The following HSPA4L variants were observed in gnomAD, a reference collection of about 807,000 sequenced individuals.
HSPA4L encodes heat shock protein family A (Hsp70) member 4 like, also known as heat shock 70 kDa protein 4L.
A neutral mutation model predicts 100.3 loss-of-function variants in HSPA4L; 48 were observed. That is an observed-to-expected ratio of 0.48 (90% CI 0.38 to 0.61). The LOEUF (loss-of-function observed/expected upper bound fraction) is 0.61. Ranked by LOEUF, HSPA4L falls within the 20% of genes least tolerant of loss-of-function variation. HSPA4L has a pLI of 0.00. For missense variants in HSPA4L, 886 were observed against 988.6 expected (o/e 0.90, Z 1.39); for synonymous variants, 319 against 328.2 (o/e 0.97, Z 0.30).
chr4:127,818,939 C>T (rs924466696), intron 13 of HSPA4L, among the ~76,000 whole-genome samples: 1 of 151,236 alleles, frequency 6.6e-6, no homozygotes, highest in Non-Finnish European at 1.5e-5. Flanking sequence ...TGCCTGAATT[C>T]TTTACCTTAT....
At position 127,820,790 on chromosome 4, in the gene HSPA4L, TAGAG is replaced by T. The variant is rs1181450074; in HGVS notation, c.1812+227_1812+230del. The stretch of plus-strand genomic sequence containing the variant: ...TGAAAAACATGTATTGCCTCCTCTA[TAGAG>T]AAAGACTTTTCTGAAATTGATTCTT... On this transcript the variant is annotated intron_variant, in intron 14 of 18. Coordinates refer to ENST00000296464, the MANE Select transcript of HSPA4L (RefSeq NM_014278.4). 4.6e-5 allele frequency among the ~76,000 whole-genome samples: 7 copies of T among 152,272 alleles called. No homozygotes were observed. In the East Asian group the frequency reaches 9.6e-4, roughly 21 times the overall value.
intron 2 of HSPA4L, among the ~76,000 whole-genome samples, chr4:127,794,348 TA>T (rs1268482703): frequency 2.0e-5 from 3 of 152,096 alleles, no homozygotes; most frequent in African/African-American, 7.2e-5. Context: ...AAATATTTTT[TA>T]GTTGTGAAGT....
At chr4:127,802,842 G>A (rs139241418) in intron 6 of HSPA4L, among the ~76,000 whole-genome samples, 57 of 152,196 alleles carry the variant, frequency 3.7e-4, no homozygotes, top group African/African-American at 1.3e-3. Context: ...CACGCAGATT[G>A]TACTCATATC....
upstream of HSPA4L, chr4:127,781,967 A>ACACGTT (rs1732563652): frequency 2.3e-6 from 1 of 433,052 alleles, no homozygotes; most frequent in Admixed American, 2.5e-5. Flanking sequence ...GTGCCTCAAA[A>ACACGTT]CACGTTCGCA....
rs772492542 is a variant in HSPA4L, at chr4:127,801,773, G to T, written c.530-12G>T. ...TGTGCTAGAATTAACATAATTCTTTGTTCTTATACAGTTGCACTGGCGTAT... is the reference window on the plus strand; with the variant it reads ...TGTGCTAGAATTAACATAATTCTTTTTTCTTATACAGTTGCACTGGCGTAT... On this transcript the variant is annotated splice_polypyrimidine_tract_variant and intron_variant, in intron 5 of 18. Transcript: ENST00000296464. 7.6e-6 allele frequency: 12 copies of T among 1,588,878 alleles called. No homozygotes were observed. In the African/African-American group the frequency reaches 8.1e-5, roughly 11 times the overall value.
At chr4:127,817,347 A>C (rs1203829842) in intron 12 of HSPA4L, among the ~76,000 whole-genome samples, 1 of 149,618 alleles carries the variant, frequency 6.7e-6, no homozygotes, top group African/African-American at 2.5e-5. Context: ...TCTTTTAACT[A>C]CAAAAAAAAA....
intron 12 of HSPA4L, among the ~76,000 whole-genome samples, chr4:127,815,100 G>A (rs1016818970): frequency 1.3e-5 from 2 of 151,760 alleles, no homozygotes; most frequent in Non-Finnish European, 2.9e-5. Flanking sequence ...AGATAAAGAG[G>A]CCCAGACATA....
In HSPA4L at chr4:127,836,703, A is replaced by G. The variant is rs575804406; in HGVS notation, c.*3829A>G. On this transcript the variant is annotated 3_prime_UTR_variant, in exon 19 of 19. Coordinates refer to ENST00000296464, the MANE Select transcript of HSPA4L (RefSeq NM_014278.4). ...TATTAAAGGTAGTAGACATTTGAAT[A>G]TAGTAATCAAATTAACTGATTTTGT... 6.6e-6 allele frequency: 1 copy of G among 152,234 alleles called. No homozygotes were observed. Among genetic ancestry groups the G allele is most frequent in the South Asian group, 2.1e-4 (1 of 4,826 alleles). 9.4% of individuals were successfully genotyped at this position (152,234 alleles called of 1,614,324 possible).
chr4:127,798,688 A>T lies in HSPA4L; in HGVS notation c.408A>T (p.Pro136=). 6.2e-7 allele frequency: 1 copy of T among 1,613,646 alleles called. No homozygotes were observed. The highest frequency in any genetic ancestry group is 8.5e-7 in the Non-Finnish European group (1 of 1,179,696). Residue 136 remains proline, a synonymous_variant, in exon 4 of 19, where the codon CCA becomes CCT. Transcript: ENST00000296464. Reference sequence around the variant, plus strand: ...CTTCAGAAAATGCTTTGAAGAAACCAGTGGCTGACTGTGTGATTTCAGTAA... The same window carrying T: ...CTTCAGAAAATGCTTTGAAGAAACCTGTGGCTGACTGTGTGATTTCAGTAA... ...KETSENALKK[P]VADCVISIPS... is the part of the protein sequence containing the mutation.
In HSPA4L at chr4:127,792,728, A is replaced by G. The variant is rs138656155; in HGVS notation, c.108-1349A>G. 3.3e-5 allele frequency among the ~76,000 whole-genome samples: 5 copies of G among 152,318 alleles called. No individual in the cohort carries two copies. In the East Asian group the frequency reaches 9.6e-4, roughly 29 times the overall value. On this transcript the variant is annotated intron_variant, in intron 1 of 18. Coordinates refer to ENST00000296464, the MANE Select transcript of HSPA4L (RefSeq NM_014278.4). ...TGAATTGTATCAGATGGTAATACAT[A>G]CTATGGAGAAAAATAAAATTGGGTT...
chr4:127,825,474 T>C (rs1042749002), intron 16 of HSPA4L, among the ~76,000 whole-genome samples: 4 of 152,116 alleles, frequency 2.6e-5, no homozygotes, highest in Non-Finnish European at 5.9e-5. Flanking sequence ...AAGAAGTTAC[T>C]CAACTTAAAA....
chr4:127,831,995 A>G (rs560567412), intron 18 of HSPA4L, among the ~76,000 whole-genome samples: 6 of 151,794 alleles, frequency 4.0e-5, no homozygotes, highest in Non-Finnish European at 8.8e-5. Context: ...GTGTGACAAG[A>G]GCAGTTTGCA....
chr4:127,801,781 A>G lies in HSPA4L; in HGVS notation c.530-4A>G. On this transcript the variant is annotated splice_region_variant and splice_polypyrimidine_tract_variant and intron_variant, in intron 5 of 18. Transcript: ENST00000296464. Reference sequence around the variant, plus strand: ...AATTAACATAATTCTTTGTTCTTATACAGTTGCACTGGCGTATGGAATTTA... The same window carrying G: ...AATTAACATAATTCTTTGTTCTTATGCAGTTGCACTGGCGTATGGAATTTA... 6.3e-7 allele frequency: 1 copy of G among 1,594,610 alleles called. No individual in the cohort carries two copies. The highest frequency in any genetic ancestry group is 2.2e-5 in the East Asian group (1 of 44,696).
chr4:127,824,212 G>A (rs1733886963), intron 16 of HSPA4L, among the ~76,000 whole-genome samples: 1 of 152,172 alleles, frequency 6.6e-6, no homozygotes, highest in African/African-American at 2.4e-5. Context: ...CGTTGTATAT[G>A]CATACCACGT....
At chr4:127,819,222 A>G (rs935569022) in intron 13 of HSPA4L, among the ~76,000 whole-genome samples, 20 of 152,196 alleles carry the variant, frequency 1.3e-4, no homozygotes, top group Non-Finnish European at 2.8e-4. Context: ...ATTTATTGAG[A>G]GTAATTATTT....
chr4:127,783,199 G>A (rs1259363888), intron 1 of HSPA4L, among the ~76,000 whole-genome samples: 6 of 151,276 alleles, frequency 4.0e-5, no homozygotes, highest in Non-Finnish European at 8.8e-5. Flanking sequence ...TTTTTTTAAG[G>A]GCGGGGAGTG....
At chr4:127,828,544 A>G (rs1734004728) in intron 17 of HSPA4L, among the ~76,000 whole-genome samples, 1 of 152,160 alleles carries the variant, frequency 6.6e-6, no homozygotes. Context: ...CAATATACAA[A>G]TTCCCAGCAA....
At chr4:127,783,310 G>T (rs540983685) in intron 1 of HSPA4L, among the ~76,000 whole-genome samples, 1 of 152,000 alleles carries the variant, frequency 6.6e-6, no homozygotes, top group Non-Finnish European at 1.5e-5. Context: ...GGAGAGCCTC[G>T]GGATGGGAGT....
At chr4:127,805,004 G>T in intron 8 of HSPA4L, 69 bp from the exon 9 acceptor site, 1 of 984,326 alleles carries the variant, frequency 1.0e-6, no homozygotes, top group Non-Finnish European at 1.5e-6. Context: ...TTTTAAAAAA[G>T]TACTCGACAA....
Sources: gnomAD v4.1 joint callset for allele counts (sites outside exome capture counted in the v4.1 genomes callset) on GRCh38, gnomAD v4.1.1 for gene constraint, MANE v1.5 for transcripts, NCBI Gene and HGNC (gene_info 2026-07-23, HGNC 2026-07-21) for gene names.